Variants in CREBRF observed in about 807,000 individuals in gnomAD.
CREBRF encodes the protein CREB3 regulatory factor.
A neutral mutation model predicts 66.1 loss-of-function variants in CREBRF; 5 were observed. The observed-to-expected ratio is 0.08, with a 90% CI of 0.04 to 0.16. The LOEUF (loss-of-function observed/expected upper bound fraction) is 0.16, where lower values mean the gene tolerates loss of function less well. Ranked by LOEUF, CREBRF falls within the 10% of genes least tolerant of loss-of-function variation. The pLI, the probability that CREBRF is intolerant of heterozygous loss-of-function variation, is 1.00. For missense variants in CREBRF, 531 were observed against 744.9 expected, an observed-to-expected ratio of 0.71 and a Z score of 3.34; for synonymous variants, 229 against 264.4, an observed-to-expected ratio of 0.87 and a Z score of 1.30.
intron 4 of CREBRF, among the ~76,000 whole-genome samples, chr5:173,104,053 G>A (rs1758691809): frequency 6.6e-6 from 1 of 152,150 alleles, no homozygotes; most frequent in Non-Finnish European, 1.5e-5. Context: ...TTTGTGGCAG[G>A]CACTGTGTAT....
rs772082257 is a variant in CREBRF, at chr5:173,090,284, T to C, written c.136-31T>C. ...GTGAATATTTCCTTCTGAAATATGA[T>C]GTGCAATTTCTTTTTTAAAACCTTT... On this transcript the variant is annotated intron_variant, in intron 3 of 8. Transcript: ENST00000296953. The surrounding 1 kb of genome is among the most constrained non-coding windows in gnomAD (Gnocchi z 4.5). 13 of 1,532,302 alleles carry C rather than the reference T, an allele frequency of 8.5e-6. No individual in the cohort carries two copies. The highest frequency in any genetic ancestry group is 6.1e-5 in the South Asian group (5 of 81,844). 94.9% of individuals were successfully genotyped at this position (1,532,302 alleles called of 1,614,324 possible). A position where few individuals can be genotyped will look rare whatever the true frequency, so the allele number is the denominator to read the frequency against.
chr5:173,080,017 A>T (rs1757890120), intron 1 of CREBRF, among the ~76,000 whole-genome samples: 1 of 152,210 alleles, frequency 6.6e-6, no homozygotes, highest in African/African-American at 2.4e-5. Context: ...TGCTGGAATG[A>T]TTCTTTCTTC....
chr5:173,113,832 G>A (rs1758924141), intron 7 of CREBRF, among the ~76,000 whole-genome samples: 1 of 152,084 alleles, frequency 6.6e-6, no homozygotes. Flanking sequence ...AGCACTTCAG[G>A]GGTATGGGAA....
intron 8 of CREBRF, among the ~76,000 whole-genome samples, chr5:173,129,528 C>T (rs1759358996): frequency 6.6e-6 from 1 of 151,916 alleles, no homozygotes; most frequent in Non-Finnish European, 1.5e-5. Context: ...TCGAAGCCAG[C>T]TTGGGCAACA....
At chr5:173,084,785 G>T (rs1416658462) in intron 2 of CREBRF, among the ~76,000 whole-genome samples, 1 of 151,998 alleles carries the variant, frequency 6.6e-6, no homozygotes, top group East Asian at 1.9e-4. Flanking sequence ...AGGACTGCAG[G>T]TGCCCGCCAC....
intron 1 of CREBRF, among the ~76,000 whole-genome samples, chr5:173,077,151 G>T (rs1176251764): frequency 6.6e-6 from 1 of 151,768 alleles, no homozygotes; most frequent in East Asian, 1.9e-4. Flanking sequence ...CACCATATTG[G>T]CCAGGCTAGT....
At chr5:173,060,198 A>G (rs994471479) in intron 1 of CREBRF, 5 of 150,716 alleles carry the variant, frequency 3.3e-5, no homozygotes, top group African/African-American at 4.9e-5. Flanking sequence ...ATCGGCATCT[A>G]TATATTTATT....
rs748797383 is a variant in CREBRF, at chr5:173,091,250, TGAGGAGGAC to T, written c.1080_1088del (p.Glu361_Asp363del). 5 of 1,613,568 alleles carry T rather than the reference TGAGGAGGAC, an allele frequency of 3.1e-6. No individual in the cohort carries two copies. In the African/African-American group the frequency reaches 5.3e-5, roughly 17 times the overall value. On this transcript the variant is annotated inframe_deletion, in exon 4 of 9. Transcript: ENST00000296953. ...CAACTAAATGCAGTCCTGAAGAAGA[TGAGGAGGAC>T]GAGGAGGATGTTGATGATGAGGACC...
At chr5:173,093,443 C>A (rs945545109) in intron 4 of CREBRF, among the ~76,000 whole-genome samples, 18 of 152,182 alleles carry the variant, frequency 1.2e-4, no homozygotes, top group Non-Finnish European at 1.8e-4. Context: ...AATTAACATA[C>A]CCATCACTTC....
In CREBRF at chr5:173,138,617, C is replaced by CT. The variant is rs1759641902; in HGVS notation, c.*4875dup. 6.6e-6 allele frequency: 1 copy of CT among 152,106 alleles called. No homozygotes were observed. The highest frequency in any genetic ancestry group is 6.5e-5 in the Admixed American group (1 of 15,268). The allele number at this position is 152,106 out of a possible 1,614,324, so 9.4% of individuals were successfully genotyped here. A position where few individuals can be genotyped will look rare whatever the true frequency, so the allele number is the denominator to read the frequency against. Reference sequence around the variant, plus strand: ...TGGGTGAACTAGGTTCGGTTTGCCTCTTTCATAACAATGTAAACACAATGG... The same window carrying CT: ...TGGGTGAACTAGGTTCGGTTTGCCTCTTTTCATAACAATGTAAACACAATGG... On this transcript the variant is annotated 3_prime_UTR_variant, in exon 9 of 9. Coordinates refer to ENST00000296953, the MANE Select transcript of CREBRF (RefSeq NM_153607.3).
intron 4 of CREBRF, among the ~76,000 whole-genome samples, chr5:173,100,137 T>TAA (rs1758591620): frequency 7.2e-6 from 1 of 139,476 alleles, no homozygotes; most frequent in Admixed American, 7.2e-5. Flanking sequence ...TATAATTTTT[T>TAA]TTTTTTTTTT....
At chr5:173,104,681 AGAAAGGTG>A (rs1419588557) in intron 4 of CREBRF, among the ~76,000 whole-genome samples, 1 of 151,978 alleles carries the variant, frequency 6.6e-6, no homozygotes, top group African/African-American at 2.4e-5. Flanking sequence ...CACAGTCCCA[AGAAAGGTG>A]GATGGCTTTA....
intron 4 of CREBRF, among the ~76,000 whole-genome samples, chr5:173,107,817 A>ATTTTTTTTT (rs559120882): frequency 1.6e-5 from 2 of 121,846 alleles, no homozygotes; most frequent in Non-Finnish European, 3.5e-5. Flanking sequence ...TCTCTACAAA[A>ATTTTTTTTT]TTTTTTTTTT....
At position 173,097,277 on chromosome 5, in the gene CREBRF, GCT is replaced by G. The variant is rs1266980266; in HGVS notation, c.1222+5879_1222+5880del. Among the ~76,000 whole-genome samples the G allele has an allele frequency of 3.3e-5, 5 of 151,044 alleles. No homozygotes were observed. In the Admixed American group the frequency reaches 3.3e-4, roughly 10 times the overall value. The stretch of plus-strand genomic sequence containing the variant: ...GTTTTTGTTTGTTTGAGACAGTCTT[GCT>G]CTGTCACCCAGGCTGGAGTGCAGTG... On this transcript the variant is annotated intron_variant, in intron 4 of 8. Coordinates refer to ENST00000296953, the MANE Select transcript of CREBRF (RefSeq NM_153607.3).
chr5:173,135,597 C>T lies in CREBRF; in HGVS notation c.*1852C>T, dbSNP rs962288288. Reference sequence around the variant, plus strand: ...TAGCTGCTGGAAAAATTATCTATTTCTCCATTACCCACTGTAGGATTTCTT... The same window carrying T: ...TAGCTGCTGGAAAAATTATCTATTTTTCCATTACCCACTGTAGGATTTCTT... On this transcript the variant is annotated 3_prime_UTR_variant, in exon 9 of 9. Transcript: ENST00000296953. 5 of 152,368 alleles carry T rather than the reference C, an allele frequency of 3.3e-5. No individual in the cohort carries two copies. Among genetic ancestry groups the T allele is most frequent in the Non-Finnish European group, 7.4e-5 (5 of 67,940 alleles). The allele number at this position is 152,368 out of a possible 1,614,324, so 9.4% of individuals were successfully genotyped here. A position where few individuals can be genotyped will look rare whatever the true frequency, so the allele number is the denominator to read the frequency against.
chr5:173,106,319 A>C (rs1282349865), intron 4 of CREBRF, among the ~76,000 whole-genome samples: 2 of 151,886 alleles, frequency 1.3e-5, no homozygotes, highest in Non-Finnish European at 2.9e-5. Context: ...AGTCCCAGCT[A>C]CTCAGGAAGT....
rs557704822 is a variant in CREBRF, at chr5:173,121,568, C to T, written c.1682-1512C>T. ...CTATCTCCTGACCCCGTGATCCGCC[C>T]GCCTTGGCCTCCCAAAGTGCTGGGA... On this transcript the variant is annotated intron_variant, in intron 7 of 8. Coordinates refer to ENST00000296953, the MANE Select transcript of CREBRF (RefSeq NM_153607.3). Among the ~76,000 whole-genome samples the T allele has an allele frequency of 5.9e-5, 9 of 152,202 alleles. No individual in the cohort carries two copies. In the South Asian group the frequency reaches 8.3e-4, roughly 14 times the overall value.
intron 1 of CREBRF, among the ~76,000 whole-genome samples, chr5:173,065,871 A>G (rs189640819): frequency 6.6e-6 from 1 of 151,932 alleles, no homozygotes; most frequent in African/African-American, 2.4e-5. Context: ...TCCAGGGCTC[A>G]AGCCACCCAC....
chr5:173,090,940 A>G lies in CREBRF; in HGVS notation c.761A>G (p.Gln254Arg). The change falls in exon 4 of 9, where the codon CAG becomes CGG. Residue 254 changes from glutamine to arginine, a missense_variant. By Grantham distance (43) the Gln-to-Arg change is conservative (BLOSUM62 1). Coordinates refer to ENST00000296953, the MANE Select transcript of CREBRF (RefSeq NM_153607.3). This position sits in a 1 kb window ranked among gnomAD's most constrained non-coding sequence, Gnocchi z 4.5. ...PVQQSRPLLS[Q>R]IHTDAAKENT... The stretch of plus-strand genomic sequence containing the variant: ...CAACAGAGCCGGCCCTTGTTGAGCC[A>G]GATTCACACAGATGCAGCAAAGGAG... The G allele has an allele frequency of 6.2e-7, 1 of 1,614,234 alleles. No individual in the cohort carries two copies. The highest frequency in any genetic ancestry group is 8.5e-7 in the Non-Finnish European group (1 of 1,180,034).
Sources: gnomAD v4.1 joint callset for allele counts (sites outside exome capture counted in the v4.1 genomes callset) on GRCh38, gnomAD v4.1.1 for gene constraint, Gnocchi (gnomAD v3.1) non-coding constraint, MANE v1.5 for transcripts, NCBI Gene and HGNC (gene_info 2026-07-23, HGNC 2026-07-21) for gene names.